Variants in IGSF21 observed in about 807,000 individuals in gnomAD.
The protein encoded by IGSF21 is immunoglobin superfamily member 21.
Under a neutral mutation model 46.8 loss-of-function variants are expected in IGSF21, and 28 were observed. The observed-to-expected ratio is 0.60, with a 90% CI of 0.44 to 0.82. IGSF21 has a LOEUF of 0.82. Among genes scored for constraint, IGSF21 ranks in the 40% least tolerant of loss-of-function variants. The pLI, the probability that IGSF21 is intolerant of heterozygous loss-of-function variation, is 0.00. For synonymous variants in IGSF21, 284 were observed against 273.6 expected (o/e 1.04, Z -0.38); for missense variants, 624 against 665.5 (o/e 0.94, Z 0.69).
intron 3 of IGSF21, among the ~76,000 whole-genome samples, chr1:18,295,448 T>C (rs1232646650): frequency 2.0e-5 from 3 of 152,168 alleles, no homozygotes; most frequent in African/African-American, 7.2e-5. Flanking sequence ...TGTAGATGAA[T>C]ACATCATTCC....
chr1:18,336,280 G>A (rs369194261), intron 4 of IGSF21, among the ~76,000 whole-genome samples: 48 of 152,334 alleles, frequency 3.2e-4, no homozygotes, highest in African/African-American at 1.1e-3. Flanking sequence ...AAGGGATAAA[G>A]AGTGACTGCA....
intron 4 of IGSF21, chr1:18,361,703 C>T (rs1296560609): frequency 6.2e-6 from 1 of 160,722 alleles, no homozygotes; most frequent in Non-Finnish European, 1.4e-5. Flanking sequence ...AAAGCTCCTT[C>T]TACCTGCCAC....
intron 2 of IGSF21, among the ~76,000 whole-genome samples, chr1:18,235,425 C>T (rs1009311174): frequency 1.3e-5 from 2 of 152,160 alleles, no homozygotes; most frequent in African/African-American, 4.8e-5. Flanking sequence ...AAGCGCAGTG[C>T]ATATAATTAA....
chr1:18,192,808 G>A (rs2086970685), intron 1 of IGSF21, among the ~76,000 whole-genome samples: 1 of 152,102 alleles, frequency 6.6e-6, no homozygotes, highest in South Asian at 2.1e-4. Context: ...CCCTCCTGAA[G>A]TCTCTGTGAG....
intron 1 of IGSF21, among the ~76,000 whole-genome samples, chr1:18,210,740 C>T (rs1168232837): frequency 6.6e-6 from 1 of 152,164 alleles, no homozygotes; most frequent in African/African-American, 2.4e-5. Context: ...CACCAGATGC[C>T]AGTAGCGCAG....
rs114383992 is a variant in IGSF21, at chr1:18,120,410, A to G, written c.70+12212A>G. Among the ~76,000 whole-genome samples, 632 of 152,272 alleles carry G rather than the reference A, an allele frequency of 4.2e-3. 6 individuals are homozygous for G. Among genetic ancestry groups the G allele is most frequent in the African/African-American group, 0.014 (598 of 41,562 alleles). On this transcript the variant is annotated intron_variant, in intron 1 of 9. Transcript: ENST00000251296. The stretch of plus-strand genomic sequence containing the variant: ...GGTCCCTTGATGGTGCCACCCATTG[A>G]TCAAACCCTATTGAAAGCCCATACA...
intron 1 of IGSF21, among the ~76,000 whole-genome samples, chr1:18,207,082 G>A (rs1288271431): frequency 1.3e-5 from 2 of 152,162 alleles, no homozygotes; most frequent in Admixed American, 6.5e-5. Context: ...TTAAGTTGTT[G>A]CAGAATTCAA....
chr1:18,294,120 G>A (rs1215648744), intron 3 of IGSF21, among the ~76,000 whole-genome samples: 1 of 152,242 alleles, frequency 6.6e-6, no homozygotes, highest in African/African-American at 2.4e-5. Context: ...AACAGCCTGA[G>A]TTCAAATCCT....
At chr1:18,339,913 A>T (rs999956184) in intron 4 of IGSF21, among the ~76,000 whole-genome samples, 3 of 151,986 alleles carry the variant, frequency 2.0e-5, no homozygotes, top group African/African-American at 7.3e-5. Flanking sequence ...CACCTCCCCC[A>T]CTTCTCAAAC....
chr1:18,181,887 G>A (rs1335349010), intron 1 of IGSF21, among the ~76,000 whole-genome samples: 2 of 152,064 alleles, frequency 1.3e-5, no homozygotes, highest in African/African-American at 2.4e-5. Flanking sequence ...GGGACGGCGG[G>A]CTGTGTTCAT....
chr1:18,204,865 A>G (rs554497773), intron 1 of IGSF21, among the ~76,000 whole-genome samples: 3 of 152,304 alleles, frequency 2.0e-5, no homozygotes, highest in African/African-American at 4.8e-5. Flanking sequence ...TTGGGAGTTT[A>G]TGACTTGCAG....
At chr1:18,166,956 C>G (rs552779702) in intron 1 of IGSF21, 1 of 153,424 alleles carries the variant, frequency 6.5e-6, no homozygotes, top group Non-Finnish European at 1.5e-5. Context: ...TCTGTCTACT[C>G]GAGAGTTTCT....
At chr1:18,299,542 C>T (rs1306113956) in intron 3 of IGSF21, among the ~76,000 whole-genome samples, 4 of 152,204 alleles carry the variant, frequency 2.6e-5, no homozygotes, top group Non-Finnish European at 5.9e-5. Context: ...ACAGGTGCTG[C>T]TTGCCACATG....
intron 1 of IGSF21, among the ~76,000 whole-genome samples, chr1:18,147,972 G>A (rs1258346356): frequency 6.6e-6 from 1 of 151,952 alleles, no homozygotes; most frequent in Admixed American, 6.6e-5. Flanking sequence ...ATAAGGGGGT[G>A]TTTTCCTGCA....
At chr1:18,216,919 G>C (rs1173345778) in intron 1 of IGSF21, among the ~76,000 whole-genome samples, 1 of 152,184 alleles carries the variant, frequency 6.6e-6, no homozygotes, top group Non-Finnish European at 1.5e-5. Context: ...TGTCCTTAGT[G>C]CCAAGATAGG....
At position 18,322,956 on chromosome 1, in the gene IGSF21, G is replaced by A. The variant is rs1434312234; in HGVS notation, c.306-11936G>A. 6.6e-6 allele frequency among the ~76,000 whole-genome samples: 1 copy of A among 152,154 alleles called. No homozygotes were observed. The highest frequency in any genetic ancestry group is 1.5e-5 in the Non-Finnish European group (1 of 68,036). ...CAGTGAAAGATGGAGGGTGGGAATG[G>A]GGAAGCGGGTTCAGGGCCCAAGGTG... is the stretch of plus-strand genomic sequence containing the variant. On this transcript the variant is annotated intron_variant, in intron 3 of 9. Transcript: ENST00000251296. The surrounding 1 kb of genome is among the most constrained non-coding windows in gnomAD (Gnocchi z 4.3).
chr1:18,232,334 T>C, intron 2 of IGSF21, among the ~76,000 whole-genome samples: 1 of 151,470 alleles, frequency 6.6e-6, no homozygotes, highest in African/African-American at 2.4e-5. Context: ...TAATAAATAA[T>C]GTTCTTTACT....
At chr1:18,137,370 G>A (rs566095911) in intron 1 of IGSF21, among the ~76,000 whole-genome samples, 16 of 152,290 alleles carry the variant, frequency 1.1e-4, no homozygotes, top group African/African-American at 3.9e-4. Context: ...TTCAATAGGA[G>A]ATTTAGGTGG....
In IGSF21 at chr1:18,376,961, C is replaced by A; in HGVS notation, c.1263C>A (p.Ser421=). ...YRCTAQNPLG[S]TDTHTRLIVF... is the part of the protein sequence containing the mutation. ...GCACCGCCCAGAACCCACTGGGCTC[C>A]ACCGACACGCACACCCGGCTCATCG... is the stretch of plus-strand genomic sequence containing the variant. Residue 421 remains serine (S), a synonymous_variant, in exon 8 of 10, where the codon TCC becomes TCA. Coordinates refer to ENST00000251296, the MANE Select transcript of IGSF21 (RefSeq NM_032880.5). 6.3e-7 allele frequency: 1 copy of A among 1,598,418 alleles called. No individual in the cohort carries two copies.
Sources: allele counts gnomAD v4.1 joint callset (sites outside exome capture counted in the v4.1 genomes callset), GRCh38; gene constraint gnomAD v4.1.1; non-coding constraint Gnocchi (gnomAD v3.1); transcripts MANE v1.5; gene names NCBI Gene and HGNC (gene_info 2026-07-23, HGNC 2026-07-21).